Variants in TRMU observed in about 807,000 individuals in gnomAD.
TRMU encodes the protein tRNA mitochondrial 2-thiouridylase.
In TRMU, 49 loss-of-function variants were observed where a neutral mutation model predicts 46.9. The ratio of observed to expected loss-of-function variants is 1.05; its 90% CI spans 0.83 to 1.33. The LOEUF is 1.33. Ranked by LOEUF, TRMU falls within the 40% of genes most tolerant of loss-of-function variation. TRMU has a pLI of 0.00. For missense variants in TRMU, 572 were observed against 532.4 expected, an observed-to-expected ratio of 1.07 and a Z score of -0.73; for synonymous variants, 241 against 200.9, an observed-to-expected ratio of 1.20 and a Z score of -1.69.
chr22:46,346,606 A>G, intron 4 of TRMU, 62 bp downstream of exon 4: 1 of 1,575,288 alleles, frequency 6.3e-7, no homozygotes, highest in South Asian at 1.1e-5. Flanking sequence ...CTTTGGAGGA[A>G]TGACAGTGGG....
chr22:46,357,174 C>G lies in TRMU; in HGVS notation c.*168C>G. 1.1e-6 allele frequency: 1 copy of G among 894,084 alleles called. No homozygotes were observed. The highest frequency in any genetic ancestry group is 1.7e-5 in the African/African-American group (1 of 60,130). The allele number at this position is 894,084 out of a possible 1,614,324, so 55.4% of individuals were successfully genotyped here. A position where few individuals can be genotyped will look rare whatever the true frequency, so the allele number is the denominator to read the frequency against. On this transcript the variant is annotated 3_prime_UTR_variant, in exon 11 of 11. Coordinates refer to ENST00000645190, the MANE Select transcript of TRMU (RefSeq NM_018006.5). Reference sequence around the variant, plus strand: ...GGGCCCGGCGAGCCCCAGGAAGAGCCTCAGCTCCAGGCTGGGGCTCTGGCT... The same window carrying G: ...GGGCCCGGCGAGCCCCAGGAAGAGCGTCAGCTCCAGGCTGGGGCTCTGGCT...
chr22:46,349,383 C>G lies in TRMU; in HGVS notation c.479-908C>G, dbSNP rs117167960. Among the ~76,000 whole-genome samples, 120 of 152,096 alleles carry G rather than the reference C, an allele frequency of 7.9e-4. 2 individuals carry two copies. The highest frequency in any genetic ancestry group is 6.1e-3 in the Admixed American group (93 of 15,306). On this transcript the variant is annotated intron_variant, in intron 4 of 10. Transcript: ENST00000645190. The surrounding 1 kb of genome is among the most constrained non-coding windows in gnomAD (Gnocchi z 4.6). The stretch of plus-strand genomic sequence containing the variant: ...AACGTGGGGAGAATTCTCCCTCTCA[C>G]GGCTAACGTGGGAATCGGCAGATGG...
chr22:46,349,690 T>C lies in TRMU; in HGVS notation c.479-601T>C, dbSNP rs1388293135. 6.6e-6 allele frequency among the ~76,000 whole-genome samples: 1 copy of C among 152,172 alleles called. No individual in the cohort carries two copies. Among genetic ancestry groups the C allele is most frequent in the African/African-American group, 2.4e-5 (1 of 41,430 alleles). ...CCAGAAATGGTTCTTTACAATCACA[T>C]AGGGAATGTCGGAGGAACTGCAGGG... On this transcript the variant is annotated intron_variant, in intron 4 of 10. Coordinates refer to ENST00000645190, the MANE Select transcript of TRMU (RefSeq NM_018006.5). This position sits in a 1 kb window ranked among gnomAD's most constrained non-coding sequence, Gnocchi z 4.6.
At chr22:46,337,189 A>G (rs930694991) in intron 1 of TRMU, among the ~76,000 whole-genome samples, 1 of 152,086 alleles carries the variant, frequency 6.6e-6, no homozygotes, top group Admixed American at 6.5e-5. Context: ...CATTCAGCCT[A>G]CCTAAACGAA....
chr22:46,356,687 TCAG>T lies in TRMU; in HGVS notation c.1102-137_1102-135del, dbSNP rs112946940. Reference sequence around the variant, plus strand: ...GTGCCCCAGGCCTCTCCTCTCCTGTTCAGCAGCAGCAGCAGCAGCAAAACCCTG... The same window carrying T: ...GTGCCCCAGGCCTCTCCTCTCCTGTTCAGCAGCAGCAGCAGCAAAACCCTG... On this transcript the variant is annotated intron_variant, in intron 10 of 10. Coordinates refer to ENST00000645190, the MANE Select transcript of TRMU (RefSeq NM_018006.5). 0.017 allele frequency: 15,373 copies of T among 886,704 alleles called. 1,405 individuals are homozygous for T. The African/African-American group carries it at 0.21, about 12-fold the overall frequency. The allele number at this position is 886,704 out of a possible 1,614,324, so 54.9% of individuals were successfully genotyped here.
Position 46,349,934 on chromosome 22 carries a change from A to G in TRMU, c.479-357A>G, listed in dbSNP as rs2078363106. Reference sequence around the variant, plus strand: ...ATATCAGTGGAATTTTCTGCCAGCAACTAGCTTACTCCATTTTCCAAGATT... The same window carrying G: ...ATATCAGTGGAATTTTCTGCCAGCAGCTAGCTTACTCCATTTTCCAAGATT... On this transcript the variant is annotated intron_variant, in intron 4 of 10. Coordinates refer to ENST00000645190, the MANE Select transcript of TRMU (RefSeq NM_018006.5). This position sits in a 1 kb window ranked among gnomAD's most constrained non-coding sequence, Gnocchi z 4.6. Among the ~76,000 whole-genome samples the G allele has an allele frequency of 6.6e-6, 1 of 151,862 alleles. No homozygotes were observed. Among genetic ancestry groups the G allele is most frequent in the South Asian group, 2.1e-4 (1 of 4,826 alleles).
intron 9 of TRMU, 148 bp downstream of exon 9, chr22:46,355,736 G>A: frequency 7.2e-7 from 1 of 1,380,752 alleles, no homozygotes; most frequent in Non-Finnish European, 1.0e-6. Flanking sequence ...GAACTCCCGT[G>A]TCCTGTGCCT....
intron 3 of TRMU, among the ~76,000 whole-genome samples, chr22:46,346,094 T>C (rs893230016): frequency 1.3e-5 from 2 of 152,234 alleles, no homozygotes; most frequent in Non-Finnish European, 2.9e-5. Flanking sequence ...TCACAAACCC[T>C]GAAAGGAATA....
intron 3 of TRMU, 88 bp from the exon 4 acceptor site, chr22:46,346,334 T>C (rs1223093195): frequency 6.5e-7 from 1 of 1,529,176 alleles, no homozygotes; most frequent in East Asian, 2.4e-5. Flanking sequence ...TTGGGGTCTA[T>C]ACTCTTCTTT....
At position 46,342,270 on chromosome 22, in the gene TRMU, G is replaced by T. The variant is rs530265582; in HGVS notation, c.249-992G>T. Reference sequence around the variant, plus strand: ...TAATAATTTGCTGGAGTGGTTCACAGAACTCAGAAAAACACATTTACCAGT... The same window carrying T: ...TAATAATTTGCTGGAGTGGTTCACATAACTCAGAAAAACACATTTACCAGT... On this transcript the variant is annotated intron_variant, in intron 2 of 10. Transcript: ENST00000645190. The surrounding 1 kb of genome is among the most constrained non-coding windows in gnomAD (Gnocchi z 4.7). Among the ~76,000 whole-genome samples the T allele has an allele frequency of 2.6e-5, 4 of 152,182 alleles. No homozygotes were observed. Among genetic ancestry groups the T allele is most frequent in the Non-Finnish European group, 5.9e-5 (4 of 68,028 alleles).
chr22:46,343,192 TA>T, intron 2 of TRMU, 69 bp from the exon 3 acceptor site: 1 of 1,133,518 alleles, frequency 8.8e-7, no homozygotes, highest in Non-Finnish European at 1.3e-6. Flanking sequence ...ACAAGCAATT[TA>T]GTGAACTTTT....
At chr22:46,346,118 T>G (rs919736180) in intron 3 of TRMU, among the ~76,000 whole-genome samples, 11 of 152,234 alleles carry the variant, frequency 7.2e-5, no homozygotes, top group Non-Finnish European at 1.6e-4. Flanking sequence ...TGTGTTTAAA[T>G]CTTTCTGTGC....
chr22:46,336,837 A>G lies in TRMU; in HGVS notation c.83-942A>G, dbSNP rs1229976555. Among the ~76,000 whole-genome samples, 3 of 152,106 alleles carry G rather than the reference A, an allele frequency of 2.0e-5. No homozygotes were observed. Among genetic ancestry groups the G allele is most frequent in the African/African-American group, 7.2e-5 (3 of 41,414 alleles). On this transcript the variant is annotated intron_variant, in intron 1 of 10. Transcript: ENST00000645190. The surrounding 1 kb of genome is among the most constrained non-coding windows in gnomAD (Gnocchi z 4.1). ...GAGATGGAGGTGCTCAGCTGAGTCG[A>G]AAGAAGAGTAGGATGTCACTAAGCA...
At position 46,335,770 on chromosome 22, in the gene TRMU, G is replaced by A. The variant is rs758055404; in HGVS notation, c.6G>A (p.Gln2=). 9.7e-6 allele frequency: 15 copies of A among 1,551,782 alleles called. No homozygotes were observed. The South Asian group carries it at 1.2e-4, about 12-fold the overall frequency. The change falls in exon 1 of 11, where the codon CAG becomes CAA. Residue 2 remains glutamine (Q), a synonymous_variant. Transcript: ENST00000645190. M[Q]ALRHVVCALS... ...CGAAGTTGGGCGACTGGCGGATGCA[G>A]GCCTTGCGGCACGTCGTGTGCGCCC...
At position 46,338,073 on chromosome 22, in the gene TRMU, G is replaced by C. The variant is rs1292886258; in HGVS notation, c.248+129G>C. 1.5e-6 allele frequency: 2 copies of C among 1,352,378 alleles called. No homozygotes were observed. Among genetic ancestry groups the C allele is most frequent in the Non-Finnish European group, 2.1e-6 (2 of 953,796 alleles). The allele number at this position is 1,352,378 out of a possible 1,614,324, so 83.8% of individuals were successfully genotyped here. A position where few individuals can be genotyped will look rare whatever the true frequency, so the allele number is the denominator to read the frequency against. On this transcript the variant is annotated intron_variant, in intron 2 of 10. Coordinates refer to ENST00000645190, the MANE Select transcript of TRMU (RefSeq NM_018006.5). The surrounding 1 kb of genome is among the most constrained non-coding windows in gnomAD (Gnocchi z 4.5). ...GCTCTCCCTCCACGGTGGTGCTGAA[G>C]ACTGCAAGAGGCCTCAGCCACCCTC... is the stretch of plus-strand genomic sequence containing the variant.
chr22:46,354,022 A>T, intron 8 of TRMU, 155 bp downstream of exon 8: 2 of 704,838 alleles, frequency 2.8e-6, no homozygotes, highest in Non-Finnish European at 5.1e-6. Context: ...CTTTCCTGGG[A>T]CTGGCCATGG....
intron 10 of TRMU, chr22:46,356,282 A>C: frequency 1.7e-6 from 1 of 592,832 alleles, no homozygotes; most frequent in Non-Finnish European, 3.0e-6. Context: ...GTCACCAACC[A>C]GCCAGTTCCT....
At chr22:46,344,910 T>G (rs908463014) in intron 3 of TRMU, among the ~76,000 whole-genome samples, 1 of 152,218 alleles carries the variant, frequency 6.6e-6, no homozygotes, top group Non-Finnish European at 1.5e-5. Flanking sequence ...GTCGTTAATA[T>G]GCAGCAGCTA....
Position 46,339,415 on chromosome 22 carries a change from G to A in TRMU, c.248+1471G>A, listed in dbSNP as rs2078063229. Among the ~76,000 whole-genome samples, 1 of 152,222 alleles carries A rather than the reference G, an allele frequency of 6.6e-6. No homozygotes were observed. The highest frequency in any genetic ancestry group is 6.5e-5 in the Admixed American group (1 of 15,286). ...TCCACTCGTCTCAGCCTCCCAAAGT[G>A]CTGGGATTACAGGCGTGAGCCACCA... On this transcript the variant is annotated intron_variant, in intron 2 of 10. Transcript: ENST00000645190. The surrounding 1 kb of genome is among the most constrained non-coding windows in gnomAD (Gnocchi z 4.8).
Sources: gnomAD v4.1 joint callset for allele counts (sites outside exome capture counted in the v4.1 genomes callset) on GRCh38, gnomAD v4.1.1 for gene constraint, Gnocchi (gnomAD v3.1) non-coding constraint, MANE v1.5 for transcripts, NCBI Gene and HGNC (gene_info 2026-07-23, HGNC 2026-07-21) for gene names.